Variants in RNGTT observed in about 807,000 individuals in gnomAD.
RNGTT encodes the protein RNA guanylyltransferase and 5'-phosphatase.
Under a neutral mutation model 79.3 loss-of-function variants are expected in RNGTT, and 33 were observed. The ratio of observed to expected loss-of-function variants is 0.42; its 90% CI spans 0.32 to 0.56. The LOEUF is 0.56. Ranked by LOEUF, RNGTT falls within the 20% of genes least tolerant of loss-of-function variation. RNGTT has a pLI of 0.17. For missense variants in RNGTT, 497 were observed against 739.1 expected, an observed-to-expected ratio of 0.67 and a Z score of 3.80; for synonymous variants, 222 against 235.9, an observed-to-expected ratio of 0.94 and a Z score of 0.54.
At chr6:88,617,517 C>A (rs574554577) in intron 14 of RNGTT, among the ~76,000 whole-genome samples, 65 of 152,250 alleles carry the variant, frequency 4.3e-4, no homozygotes, top group African/African-American at 1.5e-3. Context: ...TATTTCTGGG[C>A]TCTCTATTCT....
intron 13 of RNGTT, among the ~76,000 whole-genome samples, chr6:88,754,483 T>C (rs1434576706): frequency 6.6e-6 from 1 of 152,132 alleles, no homozygotes; most frequent in African/African-American, 2.4e-5. Context: ...CCTTCTTGTG[T>C]AGACTGCCAC....
intron 9 of RNGTT, among the ~76,000 whole-genome samples, chr6:88,851,200 TAA>T (rs71691377): frequency 3.5e-5 from 5 of 143,560 alleles, no homozygotes; most frequent in African/African-American, 1.3e-4. Flanking sequence ...GAACTAAATT[TAA>T]AAAAAAAAAA....
chr6:88,781,355 A>C (rs1329259145), intron 12 of RNGTT, among the ~76,000 whole-genome samples: 8 of 152,232 alleles, frequency 5.3e-5, no homozygotes, highest in African/African-American at 1.9e-4. Context: ...ACCAGGTTCT[A>C]CAGTAAAACC....
chr6:88,933,466 T>A (rs910994183), intron 2 of RNGTT, among the ~76,000 whole-genome samples: 6 of 151,818 alleles, frequency 4.0e-5, no homozygotes, highest in African/African-American at 1.5e-4. Context: ...CATTCTACTC[T>A]CTATGTCCAT....
At chr6:88,908,664 C>G (rs1388781618) in intron 4 of RNGTT, among the ~76,000 whole-genome samples, 1 of 152,136 alleles carries the variant, frequency 6.6e-6, no homozygotes, top group Non-Finnish European at 1.5e-5. Context: ...GCCATGAGCC[C>G]CACAGACCAC....
intron 11 of RNGTT, among the ~76,000 whole-genome samples, chr6:88,804,679 T>C (rs1393783428): frequency 6.6e-6 from 1 of 152,158 alleles, no homozygotes; most frequent in Non-Finnish European, 1.5e-5. Context: ...AATGTGTTTA[T>C]TAAATTAGAA....
At chr6:88,653,727 G>A (rs1420143774) in intron 14 of RNGTT, among the ~76,000 whole-genome samples, 2 of 152,036 alleles carry the variant, frequency 1.3e-5, no homozygotes, top group Non-Finnish European at 1.5e-5. Context: ...AAAAACAACA[G>A]AAAACAAAAA....
chr6:88,863,224 T>C (rs1217265687), intron 8 of RNGTT, among the ~76,000 whole-genome samples: 1 of 152,236 alleles, frequency 6.6e-6, no homozygotes, highest in Non-Finnish European at 1.5e-5. Flanking sequence ...AATTGTATAT[T>C]AAACGGCAGG....
intron 11 of RNGTT, among the ~76,000 whole-genome samples, chr6:88,807,202 T>C (rs1035526775): frequency 2.0e-5 from 3 of 152,206 alleles, no homozygotes; most frequent in Non-Finnish European, 4.4e-5. Context: ...TGTTTACTTA[T>C]GTAACAAACC....
At chr6:88,666,278 G>A (rs1207802672) in intron 14 of RNGTT, among the ~76,000 whole-genome samples, 3 of 152,198 alleles carry the variant, frequency 2.0e-5, no homozygotes, top group South Asian at 4.1e-4. Flanking sequence ...AATAGCAGTC[G>A]GAGTTTTAAC....
rs1177617048 is a variant in RNGTT at position 88,848,090 on chromosome 6, TA to T, written c.1104+1664del. ...TTAAATCATATAAATTCCAAACAAG[TA>T]AAAAAAAAAAATAAGAAATATGTTA... On this transcript the variant is annotated intron_variant, in intron 10 of 15. Transcript: ENST00000369485. 1.2e-3 allele frequency among the ~76,000 whole-genome samples: 171 copies of T among 140,032 alleles called. 1 individual carries two copies. Among genetic ancestry groups the T allele is most frequent in the Admixed American group, 1.3e-3 (19 of 14,084 alleles). The allele number at this position is 140,032 out of a possible 152,430, so 91.9% of individuals were successfully genotyped here. A position where few individuals can be genotyped will look rare whatever the true frequency, so the allele number is the denominator to read the frequency against.
chr6:88,874,305 A>G (rs1782447842), intron 8 of RNGTT, among the ~76,000 whole-genome samples: 1 of 152,166 alleles, frequency 6.6e-6, no homozygotes, highest in African/African-American at 2.4e-5. Flanking sequence ...AAAATTTAAA[A>G]GCCACTTAAC....
intron 13 of RNGTT, among the ~76,000 whole-genome samples, chr6:88,762,672 A>T (rs1406853241): frequency 6.6e-6 from 1 of 152,152 alleles, no homozygotes; most frequent in Non-Finnish European, 1.5e-5. Context: ...TGGTCTTTTT[A>T]AAAAATAGTA....
chr6:88,625,840 A>C (rs569901886), intron 14 of RNGTT, among the ~76,000 whole-genome samples: 1 of 152,126 alleles, frequency 6.6e-6, no homozygotes, highest in East Asian at 1.9e-4. Flanking sequence ...ATTACAAAGC[A>C]CTAAATGACA....
At chr6:88,744,022 T>C (rs181503691) in intron 13 of RNGTT, among the ~76,000 whole-genome samples, 17 of 152,252 alleles carry the variant, frequency 1.1e-4, no homozygotes, top group South Asian at 8.3e-4. Flanking sequence ...CTCTTCACCT[T>C]TTTTCCCCCA....
intron 13 of RNGTT, among the ~76,000 whole-genome samples, chr6:88,681,438 ATATAT>A (rs1463282711): frequency 1.3e-5 from 2 of 152,116 alleles, no homozygotes; most frequent in African/African-American, 4.8e-5. Flanking sequence ...ATCCCTTACC[ATATAT>A]TATATTACCA....
intron 11 of RNGTT, among the ~76,000 whole-genome samples, chr6:88,823,249 G>T (rs940614359): frequency 1.3e-5 from 2 of 151,982 alleles, no homozygotes; most frequent in African/African-American, 4.8e-5. Flanking sequence ...TGAACAACAT[G>T]GTGAAACCCC....
At chr6:88,859,311 G>A (rs146220132) in intron 8 of RNGTT, among the ~76,000 whole-genome samples, 159 of 152,210 alleles carry the variant, frequency 1.0e-3, no homozygotes, top group Non-Finnish European at 1.4e-3. Flanking sequence ...CAGCACATTG[G>A]TTACAAAGAT....
Position 88,928,973 on chromosome 6 carries a change from A to C in RNGTT, c.367+12T>G, listed in dbSNP as rs1287563506. Reference sequence around the variant, plus strand: ...AAAATATTCAACAGTGGCAAAGTAAAGCCAAACATACCTATAAGTTCAGGT... The same window carrying C: ...AAAATATTCAACAGTGGCAAAGTAACGCCAAACATACCTATAAGTTCAGGT... On this transcript the variant is annotated intron_variant, in intron 4 of 15. Coordinates refer to ENST00000369485, the MANE Select transcript of RNGTT (RefSeq NM_003800.5). The C allele has an allele frequency of 4.4e-6, 7 of 1,583,082 alleles. No homozygotes were observed. The highest frequency in any genetic ancestry group is 6.0e-6 in the Non-Finnish European group (7 of 1,163,336).
Sources: gnomAD v4.1 joint callset for allele counts (sites outside exome capture counted in the v4.1 genomes callset) on GRCh38, gnomAD v4.1.1 for gene constraint, MANE v1.5 for transcripts, NCBI Gene and HGNC (gene_info 2026-07-23, HGNC 2026-07-21) for gene names.